SH2B1: variants seen among roughly 807,000 people sequenced by gnomAD.
SH2B1 encodes SH2B adapter protein 1.
In SH2B1, 15 loss-of-function variants were observed where a neutral mutation model predicts 62.6. That is an observed-to-expected ratio of 0.24 (90% CI 0.16 to 0.37). The LOEUF (loss-of-function observed/expected upper bound fraction) is 0.37. SH2B1 is among the 10% of genes least tolerant of loss of function. The probability of loss-of-function intolerance (pLI) is 1.00; values close to 1 mark genes in which losing one functional copy is unlikely to be tolerated. For missense variants in SH2B1, 925 were observed against 1,015.6 expected (o/e 0.91, Z 1.21); for synonymous variants, 443 against 438.0 (o/e 1.01, Z -0.14).
chr16:28,863,680 A>C, upstream of SH2B1: 1 of 1,535,156 alleles, frequency 6.5e-7, no homozygotes, highest in Non-Finnish European at 8.7e-7. Flanking sequence ...GCAACTGGAG[A>C]AGGCACTGAA....
rs1962567633 is a variant in SH2B1 at position 28,864,306 on chromosome 16, G to A, written c.-1789G>A. 1 of 995,324 alleles carries A rather than the reference G, an allele frequency of 1.0e-6. No homozygotes were observed. Among genetic ancestry groups the A allele is most frequent in the Non-Finnish European group, 1.2e-6 (1 of 835,856 alleles). 61.7% of individuals were successfully genotyped at this position (995,324 alleles called of 1,614,324 possible). A position where few individuals can be genotyped will look rare whatever the true frequency, so the allele number is the denominator to read the frequency against. On this transcript the variant is annotated 5_prime_UTR_variant, in exon 1 of 8. Coordinates refer to ENST00000684370, the MANE Select transcript of SH2B1 (RefSeq NM_001387430.1). ...TGTGTCTGAGTCCTGCTTGGCAGAA[G>A]AGAAACTGAGTCACCAGCTTAGGAG... is the stretch of plus-strand genomic sequence containing the variant.
Position 28,866,613 on chromosome 16 carries a change from G to T in SH2B1, c.519G>T (p.Arg173=). Reference sequence around the variant, plus strand: ...CAGTCCGTGGCATCCTGCAGTGGCGGGGGACCGTTGACCCTCCCTCCTCCG... The same window carrying T: ...CAGTCCGTGGCATCCTGCAGTGGCGTGGGACCGTTGACCCTCCCTCCTCCG... ...RGSVRGILQW[R]GTVDPPSSAG... is the part of the protein sequence containing the mutation. The change falls in exon 1 of 8, where the codon CGG becomes CGT. Residue 173 remains arginine (R), a synonymous_variant. Transcript: ENST00000684370. This position sits in a 1 kb window ranked among gnomAD's most constrained non-coding sequence, Gnocchi z 6.3. 1 of 1,613,956 alleles carries T rather than the reference G, an allele frequency of 6.2e-7. No homozygotes were observed. Among genetic ancestry groups the T allele is most frequent in the Non-Finnish European group, 8.5e-7 (1 of 1,180,006 alleles).
chr16:28,854,531 G>C (rs777365759), intron 1 of SH2B1, among the ~76,000 whole-genome samples: 1 of 151,878 alleles, frequency 6.6e-6, no homozygotes, highest in Non-Finnish European at 1.5e-5. Flanking sequence ...CGAGGAGGGT[G>C]GATTGCTTGA....
chr16:28,852,533 CAT>C (rs1203809181), intron 1 of SH2B1, among the ~76,000 whole-genome samples: 148 of 13,210 alleles, frequency 0.011, 47 homozygotes, highest in Middle Eastern at 0.045. Flanking sequence ...TATATATACA[CAT>C]ATATTTATAT....
At chr16:28,856,108 T>G (rs886481430) in intron 1 of SH2B1, among the ~76,000 whole-genome samples, 1 of 62,878 alleles carries the variant, frequency 1.6e-5, no homozygotes. Flanking sequence ...GTACTAAAAA[T>G]ACAAAAAAAA....
chr16:28,857,443 T>G (rs1380155875), intron 1 of SH2B1, among the ~76,000 whole-genome samples: 2 of 151,998 alleles, frequency 1.3e-5, no homozygotes, highest in African/African-American at 4.8e-5. Flanking sequence ...ATAATATAAA[T>G]GTATTTATTA....
In SH2B1 at chr16:28,872,480, T is replaced by G; in HGVS notation, c.1726-54T>G. 2 of 1,579,262 alleles carry G rather than the reference T, an allele frequency of 1.3e-6. No individual in the cohort carries two copies. Among genetic ancestry groups the G allele is most frequent in the Non-Finnish European group, 1.7e-6 (2 of 1,158,942 alleles). On this transcript the variant is annotated intron_variant, in intron 6 of 7. Transcript: ENST00000684370. This position sits in a 1 kb window ranked among gnomAD's most constrained non-coding sequence, Gnocchi z 5.3. ...GGGGAGCACTGCCGGGGGAGGGGGT[T>G]TGTACCTGGCAGGGCCTTTGCCTCC...
chr16:28,855,639 A>ATTTT (rs1413780026), intron 1 of SH2B1, among the ~76,000 whole-genome samples: 2 of 140,216 alleles, frequency 1.4e-5, no homozygotes, highest in Non-Finnish European at 3.1e-5. Context: ...TTATTTATTT[A>ATTTT]TTTATTTATT....
rs1345974586 is a variant in SH2B1, at chr16:28,857,931, G to C, written c.-300-3687G>C. Among the ~76,000 whole-genome samples the C allele has an allele frequency of 7.2e-5, 11 of 151,954 alleles. 1 individual carries two copies. Among genetic ancestry groups the C allele is most frequent in the Admixed American group, 7.2e-4 (11 of 15,242 alleles). ...ATTTTTGGTATTTTTAGTAGAGAGG[G>C]GGTTTCACTGTGTTAGCCAGGATGG... On this transcript the variant is annotated intron_variant, in intron 1 of 10. Transcript: ENST00000322610.
intron 1 of SH2B1, among the ~76,000 whole-genome samples, chr16:28,856,929 G>A (rs142964976): frequency 6.6e-6 from 1 of 152,112 alleles, no homozygotes; most frequent in Non-Finnish European, 1.5e-5. Context: ...TCACTCTGAT[G>A]TGATGGGAGA....
chr16:28,856,973 C>G (rs1962333894), intron 1 of SH2B1, among the ~76,000 whole-genome samples: 1 of 152,022 alleles, frequency 6.6e-6, no homozygotes, highest in Non-Finnish European at 1.5e-5. Flanking sequence ...GAATGTCATA[C>G]AAAAGCTACT....
At chr16:28,849,187 T>G (rs1962046550) in intron 1 of SH2B1, among the ~76,000 whole-genome samples, 1 of 152,114 alleles carries the variant, frequency 6.6e-6, no homozygotes, top group African/African-American at 2.4e-5. Context: ...CACTGCAGCT[T>G]CAGCCTCCCA....
intron 1 of SH2B1, among the ~76,000 whole-genome samples, chr16:28,852,192 T>TATA (rs1962114281): frequency 4.7e-5 from 6 of 128,242 alleles, no homozygotes; most frequent in Non-Finnish European, 9.3e-5. Flanking sequence ...ATATATATTT[T>TATA]TATTTATATA....
rs1430101020 is a variant in SH2B1 at position 28,873,847 on chromosome 16, T to TA, written c.*30dup. On this transcript the variant is annotated 3_prime_UTR_variant, in exon 8 of 8. Coordinates refer to ENST00000684370, the MANE Select transcript of SH2B1 (RefSeq NM_001387430.1). This position sits in a 1 kb window ranked among gnomAD's most constrained non-coding sequence, Gnocchi z 4.2. ...CCAACCCCACCCGCTCCACCCTTTT[T>TA]AAACCCCCCAGCCCTGCTCGTGAGA... 42 of 1,411,086 alleles carry TA rather than the reference T, an allele frequency of 3.0e-5. No individual in the cohort carries two copies. Among genetic ancestry groups the TA allele is most frequent in the Middle Eastern group, 5.2e-4 (2 of 3,842 alleles). 87.4% of individuals were successfully genotyped at this position (1,411,086 alleles called of 1,614,324 possible).
At position 28,852,580 on chromosome 16, in the gene SH2B1, TTATA is replaced by T. The variant is rs1213296044; in HGVS notation, c.-301+5760_-301+5763del. Reference sequence around the variant, plus strand: ...TATTTATATATATACACATATATATTTATATATATACACATATATATTTATATAT... The same window carrying T: ...TATTTATATATATACACATATATATTTATATACACATATATATTTATATAT... On this transcript the variant is annotated intron_variant, in intron 1 of 10. Coordinates refer to the SH2B1 transcript ENST00000322610. 1.6e-4 allele frequency among the ~76,000 whole-genome samples: 5 copies of T among 31,304 alleles called. 2 individuals are homozygous for T. Among genetic ancestry groups the T allele is most frequent in the Non-Finnish European group, 2.4e-4 (5 of 21,054 alleles). 20.5% of individuals were successfully genotyped at this position (31,304 alleles called of 152,430 possible).
Position 28,873,526 on chromosome 16 carries a change from G to C in SH2B1, c.1977G>C (p.Glu659Asp). The C allele has an allele frequency of 1.2e-6, 2 of 1,603,024 alleles. No individual in the cohort carries two copies. Among genetic ancestry groups the C allele is most frequent in the African/African-American group, 2.7e-5 (2 of 74,642 alleles). Reference protein sequence around the residue: ...WTDPPQPGAEEASRAPEVAAA... With the variant: ...WTDPPQPGAEDASRAPEVAAA... ...ATCCCCCACAGCCTGGGGCAGAAGA[G>C]GCGTCGAGGGCGCCAGAAGTGGCGG... Residue 659 changes from glutamate (E) to aspartate (D), a missense_variant, in exon 8 of 8, where the codon GAG becomes GAC. Coordinates refer to ENST00000684370, the MANE Select transcript of SH2B1 (RefSeq NM_001387430.1). The surrounding 1 kb of genome is among the most constrained non-coding windows in gnomAD (Gnocchi z 4.2).
intron 1 of SH2B1, among the ~76,000 whole-genome samples, chr16:28,853,079 T>TATATATGTACATATATATGTAC (rs1962235308): frequency 2.5e-5 from 3 of 118,858 alleles, no homozygotes; most frequent in Admixed American, 1.0e-4. Flanking sequence ...CATATATATT[T>TATATATGTACATATATATGTAC]ATATATATTT....
intron 2 of SH2B1, 23 bp downstream of exon 2, chr16:28,867,455 G>T (rs772127866): frequency 2.6e-6 from 4 of 1,559,314 alleles, no homozygotes; most frequent in South Asian, 2.2e-5. Context: ...CTTCCCAGCC[G>T]CCGGCAGTGC....
At position 28,871,773 on chromosome 16, in the gene SH2B1, T is replaced by G. The variant is rs1157166676; in HGVS notation, c.1310-7T>G. 3 of 1,613,280 alleles carry G rather than the reference T, an allele frequency of 1.9e-6. No homozygotes were observed. The highest frequency in any genetic ancestry group is 2.5e-6 in the Non-Finnish European group (3 of 1,179,228). ...TGGGTTCTCAGCTTTGCCCTTTTTT[T>G]TTCCAGGGGCATATGGGGGCCTCTC... On this transcript the variant is annotated splice_polypyrimidine_tract_variant and splice_region_variant and intron_variant, in intron 4 of 7. Coordinates refer to ENST00000684370, the MANE Select transcript of SH2B1 (RefSeq NM_001387430.1).
Sources: allele counts gnomAD v4.1 joint callset (sites outside exome capture counted in the v4.1 genomes callset), GRCh38; gene constraint gnomAD v4.1.1; non-coding constraint Gnocchi (gnomAD v3.1); transcripts MANE v1.5; gene names NCBI Gene and HGNC (gene_info 2026-07-23, HGNC 2026-07-21).